The following KNTC1 variants were observed in gnomAD, a reference collection of about 807,000 sequenced individuals.
KNTC1 encodes the protein kinetochore-associated protein 1.
In KNTC1, 253 loss-of-function variants were observed where a neutral mutation model predicts 314.4. That is an observed-to-expected ratio of 0.80 (90% CI 0.73 to 0.89). The LOEUF is 0.89. KNTC1 is among the 40% of genes least tolerant of loss of function. The probability of loss-of-function intolerance (pLI) is 0.00; values close to 1 mark genes in which losing one functional copy is unlikely to be tolerated. For synonymous variants in KNTC1, 901 were observed against 901.4 expected (o/e 1.00, Z 0.01); for missense variants, 2,475 against 2,572.9 (o/e 0.96, Z 0.82).
In KNTC1 at chr12:122,577,901, A is replaced by G. The variant is rs1283309622; in HGVS notation, c.2841+110A>G. On this transcript the variant is annotated intron_variant, in intron 31 of 63. Transcript: ENST00000333479. ...ATGAAGATCTGCTCTTCTCACTGCT[A>G]GGGTGGCCTAGTGAAAAAATTCCTG... 5.3e-6 allele frequency: 5 copies of G among 950,576 alleles called. No homozygotes were observed. In the East Asian group the frequency reaches 1.6e-4, roughly 30 times the overall value. The allele number at this position is 950,576 out of a possible 1,614,324, so 58.9% of individuals were successfully genotyped here.
intron 34 of KNTC1, among the ~76,000 whole-genome samples, chr12:122,583,273 T>C (rs1174372609): frequency 6.6e-6 from 1 of 151,828 alleles, no homozygotes; most frequent in African/African-American, 2.4e-5. Context: ...CAGCCTGAGC[T>C]ACAGAGCAAG....
intron 32 of KNTC1, 57 bp downstream of exon 32, chr12:122,580,034 GA>G: frequency 3.4e-6 from 4 of 1,174,662 alleles, no homozygotes; most frequent in Non-Finnish European, 5.1e-6. Flanking sequence ...ACCCTCTTCA[GA>G]AAGAGGCATC....
intron 9 of KNTC1, 76 bp from the exon 10 acceptor site, chr12:122,546,546 G>T: frequency 1.0e-6 from 1 of 956,320 alleles, no homozygotes; most frequent in South Asian, 1.5e-5. Context: ...GCCTTTCTGT[G>T]AATATGTTAG....
chr12:122,609,270 G>A (rs539581769), intron 51 of KNTC1, 114 bp from the exon 52 acceptor site: 27 of 695,494 alleles, frequency 3.9e-5, no homozygotes, highest in Middle Eastern at 3.4e-4. Flanking sequence ...ATTTTTCAAT[G>A]TAAACATAAT....
chr12:122,548,839 G>C (rs1962981537), intron 12 of KNTC1, among the ~76,000 whole-genome samples: 1 of 151,902 alleles, frequency 6.6e-6, no homozygotes, highest in Non-Finnish European at 1.5e-5. Flanking sequence ...TTGGTGGCGT[G>C]CACCTGTAAT....
chr12:122,559,217 A>T (rs11058721), intron 18 of KNTC1, among the ~76,000 whole-genome samples: 1 of 151,842 alleles, frequency 6.6e-6, no homozygotes, highest in African/African-American at 2.4e-5. Context: ...TTATCCAGGC[A>T]TGGTGGCACG....
intron 53 of KNTC1, chr12:122,611,517 T>C (rs1873118906): frequency 6.6e-6 from 1 of 152,306 alleles, no homozygotes; most frequent in African/African-American, 2.4e-5. Flanking sequence ...ATATAAAGAC[T>C]TACGACCTAA....
At chr12:122,565,079 C>G (rs531433601) in intron 20 of KNTC1, among the ~76,000 whole-genome samples, 2 of 152,130 alleles carry the variant, frequency 1.3e-5, no homozygotes, top group South Asian at 4.2e-4. Flanking sequence ...TGTTATAGAA[C>G]TTGTTTTTTT....
In KNTC1 at chr12:122,561,968, G is replaced by A; in HGVS notation, c.1536G>A (p.Leu512=). The A allele has an allele frequency of 6.3e-7, 1 of 1,596,686 alleles. No individual in the cohort carries two copies. The highest frequency in any genetic ancestry group is 8.6e-7 in the Non-Finnish European group (1 of 1,167,750). Reference sequence around the variant, plus strand: ...CTGCTCTCATTTATTCTGATGGCTTGAAAGAGGTAATTACACTAGATTTCT... The same window carrying A: ...CTGCTCTCATTTATTCTGATGGCTTAAAAGAGGTAATTACACTAGATTTCT... ...DKTALIYSDG[L]KEVLRAHAKL... Residue 512 remains leucine (L), a synonymous_variant, in exon 19 of 64, where the codon TTG becomes TTA. Transcript: ENST00000333479.
Position 122,605,094 on chromosome 12 carries a change from A to C in KNTC1, c.5386+7A>C, listed in dbSNP as rs761680946. On this transcript the variant is annotated splice_region_variant and intron_variant, in intron 50 of 63. Transcript: ENST00000333479. ...TCTGGCACAGATTATCCTGGTGAGG[A>C]CAAAACAATTTTTTTGTTGTCCAAG... The C allele has an allele frequency of 1.3e-6, 2 of 1,599,430 alleles. No individual in the cohort carries two copies. Among genetic ancestry groups the C allele is most frequent in the Non-Finnish European group, 1.7e-6 (2 of 1,173,010 alleles).
At chr12:122,529,003 C>T (rs527772329) in intron 1 of KNTC1, among the ~76,000 whole-genome samples, 115 of 152,124 alleles carry the variant, frequency 7.6e-4, no homozygotes, top group African/African-American at 2.5e-3. Flanking sequence ...CCACCACGCC[C>T]GGCTAATTTT....
In KNTC1 at chr12:122,538,454, T is replaced by C. The variant is rs1361377832; in HGVS notation, c.366T>C (p.Asn122=). ...HVTSKQTLLT[N]AFVQKANDEN... ...CATCAAAACAAACACTACTCACTAA[T>C]GTAAGATCTTGTTGTATTTTAATTT... is the stretch of plus-strand genomic sequence containing the variant. The change falls in exon 4 of 64, where the codon AAT becomes AAC. Residue 122 remains asparagine (N), a splice_region_variant and synonymous_variant. Coordinates refer to ENST00000333479, the MANE Select transcript of KNTC1 (RefSeq NM_014708.6). The C allele has an allele frequency of 2.1e-6, 3 of 1,438,122 alleles. No homozygotes were observed. The highest frequency in any genetic ancestry group is 2.9e-6 in the Non-Finnish European group (3 of 1,044,432). 89.1% of individuals were successfully genotyped at this position (1,438,122 alleles called of 1,614,324 possible). A position where few individuals can be genotyped will look rare whatever the true frequency, so the allele number is the denominator to read the frequency against.
intron 9 of KNTC1, 110 bp from the exon 10 acceptor site, chr12:122,546,512 G>T (rs1962776566): frequency 2.7e-6 from 2 of 747,526 alleles, no homozygotes; most frequent in East Asian, 2.7e-5. Context: ...AAAGGAAAAT[G>T]GGACCTAGTA....
intron 40 of KNTC1, among the ~76,000 whole-genome samples, chr12:122,590,049 G>T (rs925951288): frequency 9.9e-5 from 15 of 152,086 alleles, no homozygotes; most frequent in South Asian, 2.1e-4. Context: ...CTCCCAAAGT[G>T]CTGGGATTAT....
chr12:122,534,801 G>A lies in KNTC1; in HGVS notation c.250+17G>A. 1 of 1,606,882 alleles carries A rather than the reference G, an allele frequency of 6.2e-7. No homozygotes were observed. Among genetic ancestry groups the A allele is most frequent in the Non-Finnish European group, 8.5e-7 (1 of 1,174,554 alleles). The stretch of plus-strand genomic sequence containing the variant: ...TTGTCTTTGGTAAGTATAATGTAGT[G>A]AATGAAGTAAGATAAATTGGAAGTC... On this transcript the variant is annotated intron_variant, in intron 3 of 63. Transcript: ENST00000333479.
intron 2 of KNTC1, among the ~76,000 whole-genome samples, chr12:122,533,436 T>C (rs916129995): frequency 6.6e-6 from 1 of 152,146 alleles, no homozygotes; most frequent in African/African-American, 2.4e-5. Context: ...GCCTCACATT[T>C]GTATTCCCGG....
At chr12:122,620,701 A>G (rs1335536280) in intron 60 of KNTC1, 93 bp downstream of exon 60, 12 of 1,322,040 alleles carry the variant, frequency 9.1e-6, no homozygotes, top group Non-Finnish European at 1.3e-5. Context: ...ATTTCAGCAA[A>G]CCTGTAAAGC....
At chr12:122,552,423 G>A (rs1311546177) in intron 16 of KNTC1, among the ~76,000 whole-genome samples, 1 of 152,148 alleles carries the variant, frequency 6.6e-6, no homozygotes, top group East Asian at 1.9e-4. Context: ...GGAGTACAGT[G>A]GGGCGATCAC....
Position 122,546,208 on chromosome 12 carries a change from A to G in KNTC1, c.702A>G (p.Glu234=). 6.2e-7 allele frequency: 1 copy of G among 1,609,902 alleles called. No homozygotes were observed. The highest frequency in any genetic ancestry group is 8.5e-7 in the Non-Finnish European group (1 of 1,176,340). Reference sequence around the variant, plus strand: ...GTAATTGTGCATTCTCAAAATGGGAACCAGATTCTTCCAAGAAAGGAATGA... The same window carrying G: ...GTAATTGTGCATTCTCAAAATGGGAGCCAGATTCTTCCAAGAAAGGAATGA... ...GTGNCAFSKW[E]PDSSKKGMTV... is the part of the protein sequence containing the mutation. Residue 234 remains glutamate (E), a synonymous_variant, in exon 9 of 64, where the codon GAA becomes GAG. Transcript: ENST00000333479.
Sources: allele counts gnomAD v4.1 joint callset (sites outside exome capture counted in the v4.1 genomes callset), GRCh38; gene constraint gnomAD v4.1.1; transcripts MANE v1.5; gene names NCBI Gene and HGNC (gene_info 2026-07-23, HGNC 2026-07-21).